Variants in OXER1 observed in about 807,000 individuals in gnomAD.
The protein encoded by OXER1 is oxoeicosanoid receptor 1, also known as 5-oxo-ETE G-protein coupled receptor.
For missense variants in OXER1, 587 were observed against 551.7 expected (o/e 1.06, Z -0.64); for synonymous variants, 258 against 245.8 (o/e 1.05, Z -0.47).
exon 1 of OXER1, chr2:42,762,947 G>T (rs79735204): frequency 6.2e-7 from 1 of 1,613,522 alleles, no homozygotes; most frequent in African/African-American, 1.3e-5. Flanking sequence ...GAGAGACCTC[G>T]CCCTGCACTT....
rs772507465 is a variant in OXER1 at position 42,763,224 on chromosome 2, A to G, written c.956T>C (p.Met319Thr). ...GCAGGCGGACAGCCAGAAAGCCACC[A>G]TGGAAGCCATGCCAAAGATGATGCT... Residue 319 changes from methionine to threonine, a missense_variant, in exon 1 of 1, where the codon ATG becomes ACG. Physicochemically the swap from Met to Thr is moderately conservative, Grantham distance 81 (BLOSUM62 -1). Transcript: ENST00000378661. This position sits in a 1 kb window ranked among gnomAD's most constrained non-coding sequence, Gnocchi z 4.4. 7 of 1,610,548 alleles carry G rather than the reference A, an allele frequency of 4.3e-6. No individual in the cohort carries two copies. Among genetic ancestry groups the G allele is most frequent in the African/African-American group, 1.3e-5 (1 of 74,914 alleles).
Position 42,763,248 on chromosome 2 carries a change from C to G in OXER1, c.932G>C (p.Ser311Thr). 6.2e-7 allele frequency: 1 copy of G among 1,612,274 alleles called. No individual in the cohort carries two copies. Among genetic ancestry groups the G allele is most frequent in the Non-Finnish European group, 8.5e-7 (1 of 1,179,350 alleles). ...CATGGAAGCCATGCCAAAGATGATG[C>G]TGGGCAAGAAGCAGATGGTGTAGAC... Residue 311 changes from serine (S) to threonine (T), a missense_variant, in exon 1 of 1, where the codon AGC becomes ACC. By Grantham distance (58) the Ser-to-Thr change is moderately conservative. Coordinates refer to ENST00000378661, the Ensembl canonical transcript of OXER1. This position sits in a 1 kb window ranked among gnomAD's most constrained non-coding sequence, Gnocchi z 4.4.
exon 1 of OXER1, chr2:42,762,692 C>T (rs1201579099): frequency 1.7e-6 from 1 of 579,966 alleles, no homozygotes; most frequent in Non-Finnish European, 3.0e-6. Flanking sequence ...TCCTGCTCTC[C>T]CCTGCATTCT....
exon 1 of OXER1, chr2:42,762,826 G>A: frequency 6.9e-7 from 1 of 1,451,428 alleles, no homozygotes; most frequent in South Asian, 1.3e-5. Flanking sequence ...AGTTGGTTGA[G>A]GCACCGTGTG....
rs776608682 is a variant in OXER1 at position 42,762,987 on chromosome 2, GAGGCCTCCCGGT to G, written c.1181_1192del (p.Tyr394_Ala397del). On this transcript the variant is annotated inframe_deletion, in exon 1 of 1. Coordinates refer to ENST00000378661, the Ensembl canonical transcript of OXER1. ...CTTCCCTATGGCCTCCGCCTTCCTA[GAGGCCTCCCGGT>G]AGCGCCACTGCCTGGAGGGTTGGTA... 4.3e-6 allele frequency: 7 copies of G among 1,613,808 alleles called. No homozygotes were observed. In the African/African-American group the frequency reaches 9.3e-5, roughly 22 times the overall value.
exon 1 of OXER1, chr2:42,764,070 T>G: frequency 6.2e-7 from 1 of 1,614,062 alleles, no homozygotes; most frequent in East Asian, 2.2e-5. Context: ...CATGGGCTGC[T>G]TGGGCCATGG....
Position 42,763,283 on chromosome 2 carries a change from C to T in OXER1, c.897G>A (p.Met299Ile), listed in dbSNP as rs1379952748. 8 of 1,613,190 alleles carry T rather than the reference C, an allele frequency of 5.0e-6. No homozygotes were observed. Among genetic ancestry groups the T allele is most frequent in the Non-Finnish European group, 6.8e-6 (8 of 1,179,792 alleles). The change falls in exon 1 of 1, where the codon ATG becomes ATA. Residue 299 changes from methionine (M) to isoleucine (I), a missense_variant. Met to Ile is a conservative substitution (Grantham distance 10, BLOSUM62 1). Transcript: ENST00000378661. The surrounding 1 kb of genome is among the most constrained non-coding windows in gnomAD (Gnocchi z 4.4). ...AGCAGATGGTGTAGACGGCCACCAC[C>T]ATGGCCAGCACACGCATGGCCCTCT...
In OXER1 at chr2:42,763,529, C is replaced by G. The variant is rs1253949517; in HGVS notation, c.651G>C (p.Trp217Cys). 32 of 1,556,468 alleles carry G rather than the reference C, an allele frequency of 2.1e-5. No individual in the cohort carries two copies. Among genetic ancestry groups the G allele is most frequent in the Non-Finnish European group, 2.7e-5 (31 of 1,150,516 alleles). Residue 217 changes from tryptophan (W) to cysteine (C), a missense_variant, in exon 1 of 1, where the codon TGG (tryptophan) becomes TGC (cysteine). Trp to Cys is a radical substitution (Grantham distance 215). Transcript: ENST00000378661. The surrounding 1 kb of genome is among the most constrained non-coding windows in gnomAD (Gnocchi z 4.4). ...GCCCGTTGAGGAGCAGGATGCCCAC[C>G]CAGAGTCCCCCGGCCACCCGGGCAG... is the stretch of plus-strand genomic sequence containing the variant.
At position 42,763,387 on chromosome 2, in the gene OXER1, G is replaced by C; in HGVS notation, c.793C>G (p.Leu265Val). Residue 265 changes from leucine to valine, a missense_variant, in exon 1 of 1, where the codon CTG (leucine) becomes GTG (valine). Coordinates refer to ENST00000378661, the Ensembl canonical transcript of OXER1. The surrounding 1 kb of genome is among the most constrained non-coding windows in gnomAD (Gnocchi z 4.4). ...ACAATAGCAAAGAGGATGAGCGCCA[G>C]TGGCAGGAAGAACTCCAGCAGGTAC... 1.2e-6 allele frequency: 2 copies of C among 1,602,820 alleles called. No individual in the cohort carries two copies. The highest frequency in any genetic ancestry group is 1.7e-6 in the Non-Finnish European group (2 of 1,175,286).
At position 42,763,014 on chromosome 2, in the gene OXER1, G is replaced by T. The variant is rs1156442203; in HGVS notation, c.1166C>A (p.Ser389Tyr). Residue 389 changes from serine (S) to tyrosine (Y), a missense_variant, in exon 1 of 1, where the codon TCC becomes TAC. Coordinates refer to ENST00000378661, the Ensembl canonical transcript of OXER1. This position sits in a 1 kb window ranked among gnomAD's most constrained non-coding sequence, Gnocchi z 4.4. ...GGCCTCCCGGTAGCGCCACTGCCTGGAGGGTTGGTAGGAGCTCTCGTCGCT... is the reference window on the plus strand; with the variant it reads ...GGCCTCCCGGTAGCGCCACTGCCTGTAGGGTTGGTAGGAGCTCTCGTCGCT... 6.2e-7 allele frequency: 1 copy of T among 1,614,074 alleles called. No individual in the cohort carries two copies. Among genetic ancestry groups the T allele is most frequent in the South Asian group, 1.1e-5 (1 of 91,090 alleles).
At position 42,763,003 on chromosome 2, in the gene OXER1, G is replaced by A. The variant is rs374132247; in HGVS notation, c.1177C>T (p.Arg393Cys). The A allele has an allele frequency of 1.8e-5, 29 of 1,614,016 alleles. No individual in the cohort carries two copies. Among genetic ancestry groups the A allele is most frequent in the South Asian group, 5.5e-5 (5 of 91,088 alleles). The change falls in exon 1 of 1, where the codon CGC becomes TGC. Residue 393 changes from arginine to cysteine, a missense_variant. Arg to Cys is a radical substitution (Grantham distance 180, BLOSUM62 -3). Coordinates refer to ENST00000378661, the Ensembl canonical transcript of OXER1. The surrounding 1 kb of genome is among the most constrained non-coding windows in gnomAD (Gnocchi z 4.4). The stretch of plus-strand genomic sequence containing the variant: ...GCCTTCCTAGAGGCCTCCCGGTAGC[G>A]CCACTGCCTGGAGGGTTGGTAGGAG...
Position 42,763,593 on chromosome 2 carries a change from T to C in OXER1, c.587A>G (p.Gln196Arg). The C allele has an allele frequency of 1.9e-6, 3 of 1,604,644 alleles. No homozygotes were observed. The highest frequency in any genetic ancestry group is 2.6e-6 in the Non-Finnish European group (3 of 1,175,786). ...AGCACGGCTCAGCACGTGGTGGGGC[T>C]GCACCACCTTCAGGTAGCGGTTGAG... Residue 196 changes from glutamine (Q) to arginine (R), a missense_variant, in exon 1 of 1, where the codon CAG (glutamine) becomes CGG (arginine). By Grantham distance (43) the Gln-to-Arg change is conservative. Transcript: ENST00000378661. This position sits in a 1 kb window ranked among gnomAD's most constrained non-coding sequence, Gnocchi z 4.4.
rs1179152545 is a variant in OXER1, at chr2:42,763,332, C to A, written c.848G>T (p.Gly283Val). 6.2e-7 allele frequency: 1 copy of A among 1,612,838 alleles called. No homozygotes were observed. Among genetic ancestry groups the A allele is most frequent in the Non-Finnish European group, 8.5e-7 (1 of 1,179,802 alleles). ...CTGCGGGCCTGCCTGCCCGCCCAGA[C>A]CACGGTTCCGGATGGTGAGCCCAAT... The change falls in exon 1 of 1, where the codon GGT becomes GTT. Residue 283 changes from glycine to valine, a missense_variant. By Grantham distance (109) the Gly-to-Val change is moderately radical (BLOSUM62 -3). Coordinates refer to ENST00000378661, the Ensembl canonical transcript of OXER1. The surrounding 1 kb of genome is among the most constrained non-coding windows in gnomAD (Gnocchi z 4.4).
Position 42,763,635 on chromosome 2 carries a change from A to G in OXER1, c.545T>C (p.Phe182Ser). Residue 182 changes from phenylalanine to serine, a missense_variant, in exon 1 of 1, where the codon TTC (phenylalanine) becomes TCC (serine). Transcript: ENST00000378661. The surrounding 1 kb of genome is among the most constrained non-coding windows in gnomAD (Gnocchi z 4.4). The stretch of plus-strand genomic sequence containing the variant: ...GCGGTTGAGTGCGATGGCTGTGAGG[A>G]AGACAACGCTGGCCGTGCGGTTGGT... 1.2e-6 allele frequency: 2 copies of G among 1,613,658 alleles called. No individual in the cohort carries two copies. The highest frequency in any genetic ancestry group is 1.7e-6 in the Non-Finnish European group (2 of 1,179,838).
the OXER1 span, chr2:42,764,114 G>T: frequency 6.8e-6 from 11 of 1,613,958 alleles, no homozygotes; most frequent in Non-Finnish European, 2.5e-6. Flanking sequence ...TTCTACCCCT[G>T]CAGGAGTGCT....
At chr2:42,763,718 GA>G in the OXER1 span, 4 of 1,614,156 alleles carry the variant, frequency 2.5e-6, no homozygotes, top group Non-Finnish European at 3.4e-6. This position sits in a 1 kb window ranked among gnomAD's most constrained non-coding sequence, Gnocchi z 4.4. Context: ...AGGTCTCATG[GA>G]GGAGGTAGTA....
chr2:42,763,473 G>T lies in OXER1; in HGVS notation c.707C>A (p.Ser236Tyr), dbSNP rs991739695. The stretch of plus-strand genomic sequence containing the variant: ...CGTGCCCACCCTGTAGCTGAGGCAG[G>T]AGGGGCCGGAGAAGGTGCTCAGGAG... Residue 236 changes from serine to tyrosine, a missense_variant, in exon 1 of 1, where the codon TCC becomes TAC. Physicochemically the swap from Ser to Tyr is moderately radical, Grantham distance 144. Transcript: ENST00000378661. This position sits in a 1 kb window ranked among gnomAD's most constrained non-coding sequence, Gnocchi z 4.4. The T allele has an allele frequency of 1.3e-5, 21 of 1,558,626 alleles. No individual in the cohort carries two copies. The highest frequency in any genetic ancestry group is 1.7e-5 in the Non-Finnish European group (20 of 1,151,460).
Position 42,763,359 on chromosome 2 carries a change from C to T in OXER1, c.821G>A (p.Ser274Asn), listed in dbSNP as rs1217927606. ...ACGGTTCCGGATGGTGAGCCCAATG[C>T]TCACAATAGCAAAGAGGATGAGCGC... is the stretch of plus-strand genomic sequence containing the variant. The change falls in exon 1 of 1, where the codon AGC becomes AAC. Residue 274 changes from serine (S) to asparagine (N), a missense_variant. Ser to Asn is a conservative substitution (Grantham distance 46, BLOSUM62 1). Coordinates refer to ENST00000378661, the Ensembl canonical transcript of OXER1. The surrounding 1 kb of genome is among the most constrained non-coding windows in gnomAD (Gnocchi z 4.4). The T allele has an allele frequency of 1.3e-5, 21 of 1,611,254 alleles. No individual in the cohort carries two copies. The highest frequency in any genetic ancestry group is 1.7e-5 in the Non-Finnish European group (20 of 1,179,326).
Position 42,764,103 on chromosome 2 carries a change from C to G in OXER1, c.77G>C (p.Arg26Thr), listed in dbSNP as rs1277796576. The G allele has an allele frequency of 1.1e-5, 18 of 1,613,960 alleles. No individual in the cohort carries two copies. The Admixed American group carries it at 2.8e-4, about 25-fold the overall frequency. The change falls in exon 1 of 1, where the codon AGA (arginine) becomes ACA (threonine). Residue 26 changes from arginine (R) to threonine (T), a missense_variant. Arg to Thr is a moderately conservative substitution (Grantham distance 71). Transcript: ENST00000378661. ...TGGGCCTGAGAGAAGGTTCTGGAGT[C>G]TTCTACCCCTGCAGGAGTGCTCAGG...
Sources: allele counts gnomAD v4.1 joint callset, GRCh38; gene constraint gnomAD v4.1.1; non-coding constraint Gnocchi (gnomAD v3.1); transcripts MANE v1.5; gene names NCBI Gene and HGNC (gene_info 2026-07-23, HGNC 2026-07-21).